The following CACNA1D variants were observed in gnomAD, a reference collection of about 807,000 sequenced individuals.
The protein encoded by CACNA1D is voltage-dependent L-type calcium channel subunit alpha-1D.
In CACNA1D, 55 loss-of-function variants were observed where a neutral mutation model predicts 257.1. That is an observed-to-expected ratio of 0.21 (90% CI 0.17 to 0.27). CACNA1D has a LOEUF of 0.27. Among genes scored for constraint, CACNA1D ranks in the 10% least tolerant of loss-of-function variants. The probability of loss-of-function intolerance (pLI) is 1.00; values close to 1 mark genes in which losing one functional copy is unlikely to be tolerated. For synonymous variants in CACNA1D, 980 were observed against 1,014.9 expected (o/e 0.97, Z 0.65); for missense variants, 1,876 against 2,784.0 (o/e 0.67, Z 7.34).
chr3:53,794,902 T>G (rs1382646246), intron 40 of CACNA1D, among the ~76,000 whole-genome samples: 1 of 152,190 alleles, frequency 6.6e-6, no homozygotes, highest in African/African-American at 2.4e-5. Context: ...GAGAACTGCT[T>G]TGGGGGAATG....
At chr3:53,776,839 T>G (rs1327541805) in intron 36 of CACNA1D, 21 bp from the exon 37 acceptor site, 1 of 1,613,338 alleles carries the variant, frequency 6.2e-7, no homozygotes, top group Non-Finnish European at 8.5e-7. Flanking sequence ...TCCTGGACCT[T>G]AGATTGTATT....
In CACNA1D at chr3:53,812,154, T is replaced by C. The variant is rs1039852569; in HGVS notation, c.*748T>C. Reference sequence around the variant, plus strand: ...ACACTAGTTTGTTTAAAATTATAGATTTACTGTACATGACTTGTAATATAC... The same window carrying C: ...ACACTAGTTTGTTTAAAATTATAGACTTACTGTACATGACTTGTAATATAC... On this transcript the variant is annotated 3_prime_UTR_variant, in exon 48 of 48. Transcript: ENST00000350061. 10 of 152,212 alleles carry C rather than the reference T, an allele frequency of 6.6e-5. No homozygotes were observed. The highest frequency in any genetic ancestry group is 1.9e-4 in the African/African-American group (8 of 41,464). 9.4% of individuals were successfully genotyped at this position (152,212 alleles called of 1,614,324 possible).
chr3:53,545,674 C>T (rs765337333), intron 3 of CACNA1D, among the ~76,000 whole-genome samples: 41 of 152,148 alleles, frequency 2.7e-4, no homozygotes, highest in African/African-American at 2.7e-4. Flanking sequence ...AGACTGACCT[C>T]AAAATCCCTG....
chr3:53,560,837 G>A (rs2092724817), intron 3 of CACNA1D, among the ~76,000 whole-genome samples: 1 of 152,180 alleles, frequency 6.6e-6, no homozygotes, highest in Non-Finnish European at 1.5e-5. Flanking sequence ...ACTAATTTAT[G>A]TCATGGATGG....
At chr3:53,705,258 C>T (rs889754887) in intron 9 of CACNA1D, among the ~76,000 whole-genome samples, 7 of 151,888 alleles carry the variant, frequency 4.6e-5, no homozygotes, top group African/African-American at 7.3e-5. Context: ...CAGCCCTGGG[C>T]GGCAGAGGTT....
In CACNA1D at chr3:53,695,187, C is replaced by T. The variant is rs114923063; in HGVS notation, c.1221-7454C>T. ...CAGTCAGGTCCCCGTGGAGGAGGTG[C>T]TGGGGAGGCTGGAGTCGCAGCAGCA... On this transcript the variant is annotated intron_variant, in intron 8 of 47. Transcript: ENST00000350061. Among the ~76,000 whole-genome samples, 761 of 152,218 alleles carry T rather than the reference C, an allele frequency of 5.0e-3. 14 individuals carry two copies. Among genetic ancestry groups the T allele is most frequent in the African/African-American group, 0.018 (737 of 41,512 alleles).
At chr3:53,502,648 C>G (rs991361314) in intron 3 of CACNA1D, among the ~76,000 whole-genome samples, 1 of 152,010 alleles carries the variant, frequency 6.6e-6, no homozygotes, top group Admixed American at 6.6e-5. Context: ...ATTTCTCATA[C>G]CTTTCTGCAT....
At chr3:53,564,295 G>A (rs1344834664) in intron 3 of CACNA1D, among the ~76,000 whole-genome samples, 2 of 151,974 alleles carry the variant, frequency 1.3e-5, no homozygotes, top group African/African-American at 4.8e-5. Flanking sequence ...TGAGTAGCTG[G>A]GATTACAGGT....
intron 3 of CACNA1D, among the ~76,000 whole-genome samples, chr3:53,515,403 T>TA (rs2091292304): frequency 6.6e-6 from 1 of 152,182 alleles, no homozygotes. Context: ...AAACAATCAC[T>TA]AACACCTGCG....
intron 3 of CACNA1D, among the ~76,000 whole-genome samples, chr3:53,527,954 A>G (rs1241412707): frequency 6.6e-6 from 1 of 152,226 alleles, no homozygotes; most frequent in Non-Finnish European, 1.5e-5. Flanking sequence ...ATACCCAGCT[A>G]GATAATACTA....
chr3:53,609,378 C>G (rs1376890259), intron 3 of CACNA1D, among the ~76,000 whole-genome samples: 1 of 144,650 alleles, frequency 6.9e-6, no homozygotes, highest in Non-Finnish European at 1.5e-5. Context: ...CCACTGCACT[C>G]CAGCCTGGAT....
chr3:53,522,227 T>C (rs1559787262), intron 3 of CACNA1D, among the ~76,000 whole-genome samples: 1 of 152,224 alleles, frequency 6.6e-6, no homozygotes, highest in African/African-American at 2.4e-5. Flanking sequence ...GCCAGTCCTG[T>C]TGGGCAGCAC....
intron 9 of CACNA1D, among the ~76,000 whole-genome samples, chr3:53,713,543 TGAGA>T (rs58018190): frequency 4.1e-5 from 5 of 120,932 alleles, no homozygotes; most frequent in African/African-American, 1.5e-4. Flanking sequence ...TGTGTGTGTG[TGAGA>T]GATTTGCCTC....
chr3:53,618,408 C>G (rs571812161), intron 3 of CACNA1D, among the ~76,000 whole-genome samples: 4 of 152,206 alleles, frequency 2.6e-5, no homozygotes, highest in South Asian at 2.1e-4. Flanking sequence ...GCCACAGTTG[C>G]TGCTGTTGCT....
intron 21 of CACNA1D, among the ~76,000 whole-genome samples, chr3:53,742,286 G>C (rs999883962): frequency 6.6e-6 from 1 of 152,168 alleles, no homozygotes; most frequent in Admixed American, 6.5e-5. Context: ...TAAATAGTGA[G>C]CTGTATATAT....
chr3:53,795,150 A>AGAAAGTG (rs1208460327), intron 40 of CACNA1D, among the ~76,000 whole-genome samples: 1 of 152,204 alleles, frequency 6.6e-6, no homozygotes, highest in Non-Finnish European at 1.5e-5. Flanking sequence ...AGGGCAGGAT[A>AGAAAGTG]GAAAGTGTTT....
intron 29 of CACNA1D, among the ~76,000 whole-genome samples, chr3:53,759,040 G>A (rs1052301622): frequency 1.3e-5 from 2 of 152,130 alleles, no homozygotes; most frequent in African/African-American, 4.8e-5. Context: ...TCCTGTCAGA[G>A]CCACCTGGTC....
At chr3:53,540,178 G>A (rs973681780) in intron 3 of CACNA1D, among the ~76,000 whole-genome samples, 2 of 151,894 alleles carry the variant, frequency 1.3e-5, no homozygotes, top group Non-Finnish European at 2.9e-5. Flanking sequence ...GAGTGCAGTG[G>A]CATGATCTGA....
intron 22 of CACNA1D, 47 bp downstream of exon 22, chr3:53,743,164 T>C: frequency 2.7e-6 from 3 of 1,112,046 alleles, no homozygotes; most frequent in Non-Finnish European, 4.2e-6. Flanking sequence ...CTGAATGGTT[T>C]ATGTAAGGGA....
Sources: gnomAD v4.1 joint callset for allele counts (sites outside exome capture counted in the v4.1 genomes callset) on GRCh38, gnomAD v4.1.1 for gene constraint, MANE v1.5 for transcripts, NCBI Gene and HGNC (gene_info 2026-07-23, HGNC 2026-07-21) for gene names.